RIMS1: variants seen among roughly 807,000 people sequenced by gnomAD.
The protein encoded by RIMS1 is regulating synaptic membrane exocytosis 1, also known as regulating synaptic membrane exocytosis protein 1.
Under a neutral mutation model 214.1 loss-of-function variants are expected in RIMS1, and 83 were observed. The ratio of observed to expected loss-of-function variants is 0.39; its 90% CI spans 0.32 to 0.47. The LOEUF is 0.47. RIMS1 is among the 20% of genes least tolerant of loss of function. RIMS1 has a pLI of 0.99. For synonymous variants in RIMS1, 793 were observed against 786.8 expected (o/e 1.01, Z -0.13); for missense variants, 2,050 against 2,161.8 (o/e 0.95, Z 1.03).
At chr6:72,055,182 C>T (rs887714756) in intron 2 of RIMS1, among the ~76,000 whole-genome samples, 11 of 152,010 alleles carry the variant, frequency 7.2e-5, no homozygotes, top group Non-Finnish European at 7.4e-5. Context: ...AGAGGCCTTG[C>T]GATGTAAACT....
chr6:72,183,996 G>T (rs1331754985), intron 6 of RIMS1, among the ~76,000 whole-genome samples: 1 of 152,172 alleles, frequency 6.6e-6, no homozygotes, highest in Non-Finnish European at 1.5e-5. Flanking sequence ...GAAATTAACT[G>T]TAGTGCATAC....
chr6:72,247,522 C>T (rs941856003), intron 11 of RIMS1, among the ~76,000 whole-genome samples: 1 of 115,186 alleles, frequency 8.7e-6, no homozygotes. Context: ...GCAACAAGAG[C>T]GAAACTCTGT....
At chr6:72,071,190 G>A (rs1416423792) in intron 2 of RIMS1, among the ~76,000 whole-genome samples, 1 of 152,092 alleles carries the variant, frequency 6.6e-6, no homozygotes, top group Non-Finnish European at 1.5e-5. Context: ...GAGGCCAGAA[G>A]TTCGAGATCA....
intron 9 of RIMS1, 49 bp downstream of exon 9, chr6:72,237,971 A>G (rs1414681109): frequency 7.6e-7 from 1 of 1,314,078 alleles, no homozygotes; most frequent in South Asian, 1.3e-5. Context: ...CCATGCATGA[A>G]CATGAATTGG....
chr6:72,217,177 G>A (rs767208671), intron 6 of RIMS1: 15 of 1,536,586 alleles, frequency 9.8e-6, no homozygotes, highest in East Asian at 4.9e-5. Context: ...TAACCACTCC[G>A]ATGCTGCTGT....
intron 4 of RIMS1, among the ~76,000 whole-genome samples, chr6:72,121,372 A>C (rs1052241757): frequency 2.9e-4 from 44 of 151,598 alleles, no homozygotes; most frequent in African/African-American, 9.4e-4. Flanking sequence ...CTTCACATCC[A>C]TTGTAAGTTG....
intron 26 of RIMS1, among the ~76,000 whole-genome samples, chr6:72,293,927 C>T (rs1460349976): frequency 2.0e-5 from 3 of 151,640 alleles, no homozygotes; most frequent in Non-Finnish European, 3.0e-5. Context: ...ATGACAAATA[C>T]ACTAATAAAC....
chr6:72,119,167 C>A (rs558365264), intron 4 of RIMS1, among the ~76,000 whole-genome samples: 2 of 151,854 alleles, frequency 1.3e-5, no homozygotes, highest in East Asian at 3.9e-4. Context: ...AGTGACACTG[C>A]TACACACCAA....
At chr6:72,306,243 A>ACGCG (rs2095146891) in intron 26 of RIMS1, among the ~76,000 whole-genome samples, 1 of 151,926 alleles carries the variant, frequency 6.6e-6, no homozygotes, top group Non-Finnish European at 1.5e-5. Context: ...ATACACACAC[A>ACGCG]CACGCATGCT....
intron 4 of RIMS1, among the ~76,000 whole-genome samples, chr6:72,171,105 A>G (rs1035570736): frequency 3.9e-5 from 6 of 152,106 alleles, no homozygotes; most frequent in Admixed American, 6.6e-5. Context: ...CTCCTTAACC[A>G]TGATTCAGTA....
In RIMS1 at chr6:72,153,277, G is replaced by GT. The variant is rs1253468146; in HGVS notation, c.472-26298_472-26297insT. Among the ~76,000 whole-genome samples, 7 of 140,742 alleles carry GT rather than the reference G, an allele frequency of 5.0e-5. No homozygotes were observed. The East Asian group carries it at 1.4e-3, about 28-fold the overall frequency. The allele number at this position is 140,742 out of a possible 152,430, so 92.3% of individuals were successfully genotyped here. On this transcript the variant is annotated intron_variant, in intron 4 of 33. Transcript: ENST00000521978. ...TCAAAATAAGAGAGTTGGACTGGTT[G>GT]ATTTTTTTTCATCTTCAAATTCTAG...
intron 1 of RIMS1, among the ~76,000 whole-genome samples, chr6:71,959,391 C>A (rs1322022216): frequency 6.6e-6 from 1 of 152,110 alleles, no homozygotes; most frequent in African/African-American, 2.4e-5. Context: ...GATATTTATT[C>A]AGCTATTGGG....
At chr6:72,314,386 A>G (rs1563941377) in intron 28 of RIMS1, among the ~76,000 whole-genome samples, 1 of 152,218 alleles carries the variant, frequency 6.6e-6, no homozygotes, top group Non-Finnish European at 1.5e-5. Flanking sequence ...GAGAGGTCCA[A>G]TAAATATAAG....
intron 1 of RIMS1, among the ~76,000 whole-genome samples, chr6:71,942,625 G>A (rs764325953): frequency 6.6e-6 from 1 of 151,894 alleles, no homozygotes; most frequent in Non-Finnish European, 1.5e-5. Context: ...GATTCCTGGA[G>A]GGTTTTTTGT....
chr6:72,360,114 A>G (rs754956492), intron 29 of RIMS1, among the ~76,000 whole-genome samples: 1 of 152,178 alleles, frequency 6.6e-6, no homozygotes, highest in African/African-American at 2.4e-5. Flanking sequence ...TTCAAATTGT[A>G]TAGCCATCTC....
intron 2 of RIMS1, among the ~76,000 whole-genome samples, chr6:72,067,633 A>T (rs1829632539): frequency 6.6e-6 from 1 of 152,194 alleles, no homozygotes; most frequent in Non-Finnish European, 1.5e-5. Flanking sequence ...CATCTAGAAC[A>T]TATACCCCTT....
chr6:72,071,558 T>A (rs547187997), intron 2 of RIMS1, among the ~76,000 whole-genome samples: 3 of 152,310 alleles, frequency 2.0e-5, no homozygotes, highest in Admixed American at 6.5e-5. Context: ...TTTGCATAAA[T>A]AAAACAACCA....
rs1040668326 is a variant in RIMS1 at position 72,041,041 on chromosome 6, A to G, written c.246-55908A>G. On this transcript the variant is annotated intron_variant, in intron 2 of 33. Coordinates refer to ENST00000521978, the MANE Select transcript of RIMS1 (RefSeq NM_014989.7). ...GACCTTTAATATTTGTTTTTAGAGTATAATGACTGACTTCATGCTTACAGA... is the reference window on the plus strand; with the variant it reads ...GACCTTTAATATTTGTTTTTAGAGTGTAATGACTGACTTCATGCTTACAGA... 3.9e-5 allele frequency among the ~76,000 whole-genome samples: 6 copies of G among 152,102 alleles called. No homozygotes were observed. In the East Asian group the frequency reaches 1.2e-3, roughly 29 times the overall value.
intron 4 of RIMS1, among the ~76,000 whole-genome samples, chr6:72,117,780 G>A (rs2037379388): frequency 6.6e-6 from 1 of 151,952 alleles, no homozygotes; most frequent in Admixed American, 6.6e-5. Context: ...CAAAAGCAAT[G>A]TTAAGAGGAA....
Sources: allele counts gnomAD v4.1 joint callset (sites outside exome capture counted in the v4.1 genomes callset), GRCh38; gene constraint gnomAD v4.1.1; transcripts MANE v1.5; gene names NCBI Gene and HGNC (gene_info 2026-07-23, HGNC 2026-07-21).